Variants in SNX14 observed in about 807,000 individuals in gnomAD.
The protein encoded by SNX14 is sorting nexin 14, also known as sorting nexin-14.
Under a neutral mutation model 133.8 loss-of-function variants are expected in SNX14, and 93 were observed. That is an observed-to-expected ratio of 0.70 (90% CI 0.59 to 0.83). The LOEUF is 0.83. Ranked by LOEUF, SNX14 falls within the 40% of genes least tolerant of loss-of-function variation. The pLI, the probability that SNX14 is intolerant of heterozygous loss-of-function variation, is 0.00. For missense variants in SNX14, 945 were observed against 1,094.9 expected, an observed-to-expected ratio of 0.86 and a Z score of 1.93; for synonymous variants, 368 against 365.6, an observed-to-expected ratio of 1.01 and a Z score of -0.07.
At chr6:85,531,963 G>A (rs1402528112) in intron 18 of SNX14, among the ~76,000 whole-genome samples, 1 of 152,060 alleles carries the variant, frequency 6.6e-6, no homozygotes, top group Non-Finnish European at 1.5e-5. Context: ...GGGAAGTTGA[G>A]GCTGTAGTGA....
In SNX14 at chr6:85,572,295, T is replaced by C. The variant is rs1271588937; in HGVS notation, c.338+3A>G. 3 of 1,612,618 alleles carry C rather than the reference T, an allele frequency of 1.9e-6. No homozygotes were observed. The African/African-American group carries it at 4.0e-5, about 22-fold the overall frequency. On this transcript the variant is annotated splice_donor_region_variant and intron_variant, in intron 3 of 28. Coordinates refer to ENST00000314673, the MANE Select transcript of SNX14 (RefSeq NM_153816.6). ...TCAACAAATAAAAAAATATTTAACTTACCTATGTCGTTTACATTTCACTTT... is the reference window on the plus strand; with the variant it reads ...TCAACAAATAAAAAAATATTTAACTCACCTATGTCGTTTACATTTCACTTT...
At chr6:85,579,266 C>G (rs1456842448) in intron 1 of SNX14, among the ~76,000 whole-genome samples, 2 of 152,098 alleles carry the variant, frequency 1.3e-5, no homozygotes, top group African/African-American at 4.8e-5. Flanking sequence ...AAGAAAAATA[C>G]CTGTTCACTA....
chr6:85,538,933 T>G, intron 15 of SNX14, 69 bp from the exon 16 acceptor site: 1 of 1,363,888 alleles, frequency 7.3e-7, no homozygotes, highest in Non-Finnish European at 1.0e-6. Context: ...TATATAAACT[T>G]CATTTTAGAA....
rs750801704 is a variant in SNX14, at chr6:85,514,023, T to C, written c.2557+47A>G. The C allele has an allele frequency of 6.3e-6, 10 of 1,576,030 alleles. No individual in the cohort carries two copies. The South Asian group carries it at 1.2e-4, about 19-fold the overall frequency. On this transcript the variant is annotated intron_variant, in intron 25 of 28. Coordinates refer to ENST00000314673, the MANE Select transcript of SNX14 (RefSeq NM_153816.6). ...TCTTCCTCTTTAGATTCAATTAAAA[T>C]CATAGAGTACACAAAATATGAAACA...
intron 1 of SNX14, among the ~76,000 whole-genome samples, chr6:85,586,579 T>G (rs1263026522): frequency 1.3e-5 from 2 of 152,212 alleles, no homozygotes; most frequent in Non-Finnish European, 2.9e-5. Context: ...GTGATTTTTT[T>G]TTTATTTCTA....
chr6:85,514,112 AT>A lies in SNX14; in HGVS notation c.2514del (p.Gln840ArgfsTer9). Reference protein sequence around the residue: ...DYYLQCKLEQLFQEHRLVSLI... With the variant: ...DYYLQCKLEQXFQEHRLVSLI... ...AGTGAGACCAAACGGTGCTCCTGAA[AT>A]AGCTGTTCTAGTTTACACTGAAGAT... On this transcript the variant is annotated frameshift_variant, in exon 25 of 29. Transcript: ENST00000314673. LOFTEE classifies it high-confidence loss of function. 1 of 1,613,780 alleles carries A rather than the reference AT, an allele frequency of 6.2e-7. No individual in the cohort carries two copies. The highest frequency in any genetic ancestry group is 1.1e-5 in the South Asian group (1 of 90,946).
intron 7 of SNX14, 97 bp from the exon 8 acceptor site, chr6:85,549,976 G>A: frequency 9.3e-7 from 1 of 1,070,418 alleles, no homozygotes; most frequent in South Asian, 1.6e-5. Context: ...GCTGGGCGTG[G>A]TGGCTCATGC....
intron 2 of SNX14, among the ~76,000 whole-genome samples, chr6:85,573,650 A>G (rs951845187): frequency 2.0e-5 from 3 of 152,238 alleles, no homozygotes; most frequent in Non-Finnish European, 4.4e-5. Context: ...TATGAAGCAC[A>G]CAAACATTTA....
chr6:85,519,334 T>C (rs1411683210), intron 21 of SNX14, among the ~76,000 whole-genome samples: 1 of 152,230 alleles, frequency 6.6e-6, no homozygotes, highest in Non-Finnish European at 1.5e-5. Context: ...GATTACATCA[T>C]ATAAAATATA....
At chr6:85,520,400 C>T (rs1421564987) in intron 21 of SNX14, among the ~76,000 whole-genome samples, 2 of 150,140 alleles carry the variant, frequency 1.3e-5, no homozygotes, top group Non-Finnish European at 3.0e-5. Flanking sequence ...CTCTGTTGCC[C>T]AGGCTGGAGT....
At chr6:85,550,118 C>A (rs530672245) in intron 7 of SNX14, among the ~76,000 whole-genome samples, 1 of 152,124 alleles carries the variant, frequency 6.6e-6, no homozygotes, top group East Asian at 1.9e-4. Context: ...TGGGGGCACA[C>A]GACTGTAGTC....
chr6:85,572,525 T>A (rs1169249454), intron 2 of SNX14, 151 bp from the exon 3 acceptor site: 2 of 619,526 alleles, frequency 3.2e-6, no homozygotes, highest in East Asian at 5.7e-5. Context: ...TTCTTTGTAA[T>A]ACATAATACT....
At chr6:85,568,533 A>C (rs1794622116) in intron 4 of SNX14, 2 of 152,256 alleles carry the variant, frequency 1.3e-5, no homozygotes, top group African/African-American at 4.8e-5. Context: ...GTAACAAAAC[A>C]AAATAAAACA....
intron 6 of SNX14, among the ~76,000 whole-genome samples, chr6:85,563,819 T>C (rs1582959698): frequency 6.6e-6 from 1 of 152,176 alleles, no homozygotes; most frequent in Non-Finnish European, 1.5e-5. Flanking sequence ...ATGTGCACAA[T>C]GTGCAGGTTT....
chr6:85,522,870 T>C (rs1475086872), intron 21 of SNX14, among the ~76,000 whole-genome samples: 2 of 152,194 alleles, frequency 1.3e-5, no homozygotes, highest in Non-Finnish European at 2.9e-5. Context: ...TCATGCCTCT[T>C]GTACATGCCA....
chr6:85,511,905 A>C (rs748581259), intron 26 of SNX14, among the ~76,000 whole-genome samples: 35 of 152,338 alleles, frequency 2.3e-4, no homozygotes, highest in Admixed American at 5.9e-4. Context: ...GAACTGCTGC[A>C]AACAGGCCTT....
At chr6:85,539,283 C>T (rs1053503035) in intron 15 of SNX14, among the ~76,000 whole-genome samples, 4 of 152,082 alleles carry the variant, frequency 2.6e-5, no homozygotes, top group African/African-American at 9.7e-5. Context: ...TATGCAGAGA[C>T]TGAGCCACCA....
chr6:85,543,519 C>T, intron 13 of SNX14, 86 bp downstream of exon 13: 2 of 1,192,674 alleles, frequency 1.7e-6, no homozygotes, highest in East Asian at 2.7e-5. Flanking sequence ...CCATGTACTG[C>T]AGCTAGCCAC....
At chr6:85,512,483 G>C (rs538315367) in intron 26 of SNX14, among the ~76,000 whole-genome samples, 1 of 152,214 alleles carries the variant, frequency 6.6e-6, no homozygotes, top group East Asian at 1.9e-4. Flanking sequence ...TTAGCCAGGC[G>C]TGGTGGTGCA....
Sources: gnomAD v4.1 joint callset for allele counts (sites outside exome capture counted in the v4.1 genomes callset) on GRCh38, gnomAD v4.1.1 for gene constraint, MANE v1.5 for transcripts, NCBI Gene and HGNC (gene_info 2026-07-23, HGNC 2026-07-21) for gene names.